The following ADAMTS19 variants were observed in gnomAD, a reference collection of about 807,000 sequenced individuals.
ADAMTS19 encodes A disintegrin and metalloproteinase with thrombospondin motifs 19.
ADAMTS19 carries 93 observed loss-of-function variants against 153.3 expected under a neutral mutation model. The observed-to-expected ratio is 0.61, with a 90% CI of 0.51 to 0.72. ADAMTS19 has a LOEUF of 0.72. ADAMTS19 is among the 30% of genes least tolerant of loss of function. The pLI is 0.00. For synonymous variants in ADAMTS19, 600 were observed against 556.6 expected (o/e 1.08, Z -1.10); for missense variants, 1,482 against 1,552.1 (o/e 0.95, Z 0.76).
chr5:129,492,601 T>A (rs1026361791), intron 2 of ADAMTS19, among the ~76,000 whole-genome samples: 2 of 151,718 alleles, frequency 1.3e-5, no homozygotes, highest in Non-Finnish European at 2.9e-5. Context: ...CCACACCACA[T>A]AATAAATTTG....
intron 3 of ADAMTS19, among the ~76,000 whole-genome samples, chr5:129,524,687 G>A (rs1751942469): frequency 6.6e-6 from 1 of 150,472 alleles, no homozygotes; most frequent in Non-Finnish European, 1.5e-5. Context: ...TGCAGCCAGT[G>A]AAGTGGCACA....
intron 10 of ADAMTS19, among the ~76,000 whole-genome samples, chr5:129,624,006 AGT>A (rs1179450311): frequency 1.3e-5 from 2 of 151,330 alleles, no homozygotes; most frequent in African/African-American, 4.9e-5. Flanking sequence ...GGGCACCTGT[AGT>A]CCCAGCTACT....
intron 10 of ADAMTS19, among the ~76,000 whole-genome samples, chr5:129,626,869 A>C (rs1752075319): frequency 6.6e-6 from 1 of 152,104 alleles, no homozygotes; most frequent in South Asian, 2.1e-4. Flanking sequence ...CAGGTAAAAC[A>C]GGAAGTACTA....
chr5:129,615,076 AG>A (rs36188679), intron 8 of ADAMTS19, among the ~76,000 whole-genome samples: 87,653 of 151,784 alleles, frequency 0.58, 26,854 homozygotes, highest in Non-Finnish European at 0.69. Context: ...GCTCATGGAT[AG>A]GAAGAATCAG....
chr5:129,648,740 A>C (rs1753179513), intron 12 of ADAMTS19, 58 bp from the exon 13 acceptor site: 2 of 1,436,762 alleles, frequency 1.4e-6, no homozygotes, highest in South Asian at 2.6e-5. Context: ...TTTTAATTTA[A>C]AACCTAGGTA....
At chr5:129,575,036 G>A (rs1243467887) in intron 7 of ADAMTS19, among the ~76,000 whole-genome samples, 19 of 151,862 alleles carry the variant, frequency 1.3e-4, no homozygotes, top group Admixed American at 1.2e-3. Flanking sequence ...TAATATTTAA[G>A]AGCTTCAGAT....
intron 18 of ADAMTS19, among the ~76,000 whole-genome samples, chr5:129,688,991 T>A (rs191927244): frequency 3.2e-4 from 48 of 152,312 alleles, no homozygotes; most frequent in African/African-American, 1.2e-3. Flanking sequence ...ATTATAAATA[T>A]ATTACTCCAA....
intron 15 of ADAMTS19, among the ~76,000 whole-genome samples, chr5:129,659,724 G>A (rs973088558): frequency 1.3e-5 from 2 of 152,002 alleles, no homozygotes; most frequent in South Asian, 2.1e-4. Flanking sequence ...GGGACTAGAG[G>A]CATGCACCAC....
intron 16 of ADAMTS19, among the ~76,000 whole-genome samples, chr5:129,671,063 A>G (rs1163690330): frequency 6.6e-6 from 1 of 152,200 alleles, no homozygotes; most frequent in Non-Finnish European, 1.5e-5. Flanking sequence ...AATACTAGTA[A>G]TATGTTACCA....
intron 18 of ADAMTS19, among the ~76,000 whole-genome samples, chr5:129,690,347 G>A (rs1011026069): frequency 6.6e-6 from 1 of 152,194 alleles, no homozygotes; most frequent in Non-Finnish European, 1.5e-5. Flanking sequence ...GGATTGGTGG[G>A]TGGGAAGTGA....
intron 7 of ADAMTS19, among the ~76,000 whole-genome samples, chr5:129,560,621 C>G (rs767618042): frequency 6.6e-6 from 1 of 152,130 alleles, no homozygotes; most frequent in Non-Finnish European, 1.5e-5. Flanking sequence ...ATTTTTACTC[C>G]GTCATTTATA....
At chr5:129,565,049 T>C (rs761533823) in intron 7 of ADAMTS19, among the ~76,000 whole-genome samples, 3 of 152,216 alleles carry the variant, frequency 2.0e-5, no homozygotes, top group Admixed American at 6.5e-5. Context: ...CTATTGTTGA[T>C]GAACATGTTT....
At chr5:129,511,479 A>G (rs7724326) in intron 3 of ADAMTS19, among the ~76,000 whole-genome samples, 120,063 of 151,582 alleles carry the variant, frequency 0.79, 48,078 homozygotes, top group African/African-American at 0.92. Flanking sequence ...TGTTTGTAAT[A>G]TAAGCACAAC....
chr5:129,715,099 A>G (rs927079459), intron 21 of ADAMTS19, among the ~76,000 whole-genome samples: 15 of 152,354 alleles, frequency 9.8e-5, no homozygotes, highest in African/African-American at 3.1e-4. Context: ...TTAATCATAT[A>G]CATATTAAAA....
chr5:129,683,356 G>A (rs530244362), intron 17 of ADAMTS19, among the ~76,000 whole-genome samples: 13 of 151,906 alleles, frequency 8.6e-5, no homozygotes, highest in South Asian at 2.1e-4. Context: ...TCAGTCCAAC[G>A]TGTAGCCCCA....
chr5:129,606,703 A>G (rs1750912283), intron 8 of ADAMTS19, among the ~76,000 whole-genome samples: 1 of 152,188 alleles, frequency 6.6e-6, no homozygotes, highest in African/African-American at 2.4e-5. Context: ...TTGTAACTTT[A>G]CAATGGACTT....
At chr5:129,731,126 T>G (rs970084297) in intron 21 of ADAMTS19, among the ~76,000 whole-genome samples, 8 of 152,106 alleles carry the variant, frequency 5.3e-5, no homozygotes, top group Admixed American at 2.6e-4. Flanking sequence ...ACCTAGCTAA[T>G]TTTTGTATTT....
chr5:129,460,815 G>T (rs1381496871), intron 1 of ADAMTS19: 1 of 471,360 alleles, frequency 2.1e-6, no homozygotes, highest in Non-Finnish European at 3.7e-6. Flanking sequence ...TCGTTTACTC[G>T]TGCTGGAGTC....
At chr5:129,519,924 C>T (rs991465145) in intron 3 of ADAMTS19, among the ~76,000 whole-genome samples, 2 of 152,006 alleles carry the variant, frequency 1.3e-5, no homozygotes, top group African/African-American at 4.8e-5. Context: ...TTCAGCTAGG[C>T]GCACAACAAC....
Sources: allele counts gnomAD v4.1 joint callset (sites outside exome capture counted in the v4.1 genomes callset), GRCh38; gene constraint gnomAD v4.1.1; transcripts MANE v1.5; gene names NCBI Gene and HGNC (gene_info 2026-07-23, HGNC 2026-07-21).